The following CARS2 variants were observed in gnomAD, a reference collection of about 807,000 sequenced individuals.
The protein encoded by CARS2 is probable cysteine--tRNA ligase, mitochondrial.
CARS2 carries 52 observed loss-of-function variants against 68.8 expected under a neutral mutation model. The ratio of observed to expected loss-of-function variants is 0.76; its 90% CI spans 0.61 to 0.95. The LOEUF is 0.95. CARS2 is among the 40% of genes least tolerant of loss of function. The probability of loss-of-function intolerance (pLI) is 0.00; values close to 1 mark genes in which losing one functional copy is unlikely to be tolerated. For synonymous variants in CARS2, 314 were observed against 303.6 expected, an observed-to-expected ratio of 1.03 and a Z score of -0.36; for missense variants, 780 against 754.2, an observed-to-expected ratio of 1.03 and a Z score of -0.40.
chr13:110,642,791 G>T (rs1409221720), intron 13 of CARS2: 1 of 704,870 alleles, frequency 1.4e-6, no homozygotes, highest in Middle Eastern at 2.3e-4. Flanking sequence ...GCTGGGGGCT[G>T]CATGCCGCCC....
At chr13:110,677,719 C>T (rs142156861) in intron 6 of CARS2, among the ~76,000 whole-genome samples, 39 of 75,034 alleles carry the variant, frequency 5.2e-4, no homozygotes, top group South Asian at 9.4e-4. Flanking sequence ...ACCCAGACAG[C>T]CACCCCGCCA....
chr13:110,677,121 T>G lies in CARS2; in HGVS notation c.656-18A>C, dbSNP rs1458391335. On this transcript the variant is annotated intron_variant, in intron 6 of 14. Transcript: ENST00000257347. Reference sequence around the variant, plus strand: ...AGAGTCCGCTGCAGATGACAAACGGTACATCAGTGGGAAGAAGCTCAGTCA... The same window carrying G: ...AGAGTCCGCTGCAGATGACAAACGGGACATCAGTGGGAAGAAGCTCAGTCA... 6 of 1,590,554 alleles carry G rather than the reference T, an allele frequency of 3.8e-6. No homozygotes were observed. In the East Asian group the frequency reaches 1.4e-4, roughly 36 times the overall value.
At chr13:110,648,258 AAAGAT>A (rs1302764548) in intron 10 of CARS2, 7 of 152,248 alleles carry the variant, frequency 4.6e-5, no homozygotes, top group African/African-American at 1.7e-4. Context: ...GACAAAATTT[AAAGAT>A]AATATTCGGG....
At chr13:110,695,190 G>A (rs1056153543) in intron 3 of CARS2, among the ~76,000 whole-genome samples, 6 of 152,100 alleles carry the variant, frequency 3.9e-5, no homozygotes, top group Non-Finnish European at 7.4e-5. Context: ...GCTGAAGTGG[G>A]AGGATCCCTG....
At chr13:110,675,984 C>T (rs1256171063) in intron 7 of CARS2, among the ~76,000 whole-genome samples, 2 of 152,172 alleles carry the variant, frequency 1.3e-5, no homozygotes, top group Non-Finnish European at 2.9e-5. Flanking sequence ...GGAGAAATCC[C>T]GTCTCTACTA....
intron 1 of CARS2, chr13:110,712,974 A>C (rs2064051373): frequency 1.3e-6 from 2 of 1,558,494 alleles, no homozygotes; most frequent in African/African-American, 2.7e-5. Context: ...CGGCCGCGGA[A>C]TGGGTAGGTC....
At chr13:110,682,165 C>G (rs1390255912) in intron 6 of CARS2, among the ~76,000 whole-genome samples, 1 of 152,188 alleles carries the variant, frequency 6.6e-6, no homozygotes, top group Non-Finnish European at 1.5e-5. Context: ...GTACCTTACT[C>G]TCAAATTTGC....
intron 13 of CARS2, chr13:110,642,804 C>T (rs1405587096): frequency 2.9e-6 from 2 of 682,376 alleles, no homozygotes; most frequent in African/African-American, 3.5e-5. Flanking sequence ...TGCCGCCCCG[C>T]CCTGAACACA....
At chr13:110,658,240 G>C (rs1003379769) in intron 9 of CARS2, among the ~76,000 whole-genome samples, 3 of 152,208 alleles carry the variant, frequency 2.0e-5, no homozygotes, top group Admixed American at 2.0e-4. Context: ...GGTGAATCTT[G>C]AGAACACCAT....
chr13:110,697,955 C>CTTT (rs1268701428), intron 3 of CARS2: 1 of 455,820 alleles, frequency 2.2e-6, no homozygotes, highest in African/African-American at 2.0e-5. Flanking sequence ...CACACCATTC[C>CTTT]TTTGACTCAT....
chr13:110,644,521 G>T, intron 12 of CARS2, 38 bp from the exon 13 acceptor site: 1 of 1,611,790 alleles, frequency 6.2e-7, no homozygotes, highest in Non-Finnish European at 8.5e-7. Flanking sequence ...CTTAAAAGCA[G>T]TCTTGATGGC....
exon 1 of CARS2, chr13:110,713,246 T>A: frequency 7.4e-7 from 1 of 1,351,478 alleles, no homozygotes; most frequent in Non-Finnish European, 9.5e-7. Context: ...TACTGCTCTG[T>A]GGGGCGGGGA....
In CARS2 at chr13:110,676,404, C is replaced by G. The variant is rs1444201569; in HGVS notation, c.785+570G>C. Among the ~76,000 whole-genome samples the G allele has an allele frequency of 1.3e-5, 2 of 152,114 alleles. No individual in the cohort carries two copies. The highest frequency in any genetic ancestry group is 1.3e-4 in the Admixed American group (2 of 15,278). On this transcript the variant is annotated intron_variant, in intron 7 of 14. Coordinates refer to ENST00000257347, the MANE Select transcript of CARS2 (RefSeq NM_024537.4). The surrounding 1 kb of genome is among the most constrained non-coding windows in gnomAD (Gnocchi z 4.0). Reference sequence around the variant, plus strand: ...CAGAGTAGGGGATGCCGCAGTGGGCCAGGAGAGCAGTGTCGTGTGACTGAG... The same window carrying G: ...CAGAGTAGGGGATGCCGCAGTGGGCGAGGAGAGCAGTGTCGTGTGACTGAG...
chr13:110,680,463 T>C (rs2063128262), intron 6 of CARS2, among the ~76,000 whole-genome samples: 1 of 152,230 alleles, frequency 6.6e-6, no homozygotes, highest in Non-Finnish European at 1.5e-5. Flanking sequence ...TGCACCACCA[T>C]GCCACCTCTT....
intron 7 of CARS2, among the ~76,000 whole-genome samples, chr13:110,669,048 CT>C (rs2062729896): frequency 1.3e-5 from 2 of 151,898 alleles, no homozygotes; most frequent in Non-Finnish European, 2.9e-5. Context: ...GACATTTTTA[CT>C]TTTTTTTCAT....
At chr13:110,672,210 C>T (rs189325639) in intron 7 of CARS2, among the ~76,000 whole-genome samples, 28 of 152,278 alleles carry the variant, frequency 1.8e-4, no homozygotes, top group Middle Eastern at 3.4e-3. Flanking sequence ...CTGCACCAAG[C>T]GGACCTAATA....
intron 12 of CARS2, chr13:110,644,995 C>A: frequency 6.4e-6 from 1 of 157,246 alleles, no homozygotes; most frequent in Non-Finnish European, 1.4e-5. Flanking sequence ...CCCCTGTTGC[C>A]CTAGAGCTGG....
chr13:110,682,251 T>C (rs1385340095), intron 6 of CARS2, among the ~76,000 whole-genome samples: 1 of 152,262 alleles, frequency 6.6e-6, no homozygotes, highest in Non-Finnish European at 1.5e-5. Flanking sequence ...TGCCAGAATG[T>C]ACAACTCTCA....
At chr13:110,642,853 G>A (rs1054720037) in intron 13 of CARS2, 24 of 567,334 alleles carry the variant, frequency 4.2e-5, no homozygotes, top group African/African-American at 1.5e-4. Context: ...AATTGTGGCC[G>A]AGGTATCAGG....
Sources: gnomAD v4.1 joint callset for allele counts (sites outside exome capture counted in the v4.1 genomes callset) on GRCh38, gnomAD v4.1.1 for gene constraint, Gnocchi (gnomAD v3.1) non-coding constraint, MANE v1.5 for transcripts, NCBI Gene and HGNC (gene_info 2026-07-23, HGNC 2026-07-21) for gene names.